Variants in INTS4 observed in about 807,000 individuals in gnomAD.
INTS4 encodes integrator complex subunit 4.
In INTS4, 70 loss-of-function variants were observed where a neutral mutation model predicts 119.5. That is an observed-to-expected ratio of 0.59 (90% CI 0.48 to 0.71). The LOEUF (loss-of-function observed/expected upper bound fraction) is 0.71. INTS4 is among the 30% of genes least tolerant of loss of function. The pLI is 0.00. For missense variants in INTS4, 867 were observed against 1,173.2 expected, an observed-to-expected ratio of 0.74 and a Z score of 3.81; for synonymous variants, 316 against 419.6, an observed-to-expected ratio of 0.75 and a Z score of 3.02.
At chr11:77,919,505 C>T (rs1203651624) in intron 14 of INTS4, among the ~76,000 whole-genome samples, 3 of 152,092 alleles carry the variant, frequency 2.0e-5, no homozygotes, top group African/African-American at 4.8e-5. Flanking sequence ...AGGCTGGTCT[C>T]GAACTCCTGA....
intron 17 of INTS4, among the ~76,000 whole-genome samples, chr11:77,901,911 C>T (rs932481563): frequency 7.2e-5 from 11 of 151,796 alleles, no homozygotes; most frequent in Non-Finnish European, 2.9e-5. Flanking sequence ...AACCCAATCC[C>T]CACAAAGTCC....
At chr11:77,953,147 C>T (rs1954235643) in intron 8 of INTS4, among the ~76,000 whole-genome samples, 1 of 152,176 alleles carries the variant, frequency 6.6e-6, no homozygotes, top group Admixed American at 6.5e-5. Context: ...CCCATAAATA[C>T]TGGTCACAGG....
chr11:77,977,614 A>G (rs922183040), intron 4 of INTS4, among the ~76,000 whole-genome samples: 3 of 151,550 alleles, frequency 2.0e-5, no homozygotes, highest in Non-Finnish European at 4.4e-5. Flanking sequence ...TTATGAATGC[A>G]TTTTTCTTTA....
At chr11:77,955,557 G>A (rs528714745) in intron 8 of INTS4, among the ~76,000 whole-genome samples, 28 of 150,890 alleles carry the variant, frequency 1.9e-4, no homozygotes, top group African/African-American at 4.9e-4. Flanking sequence ...GTGCAGCAGC[G>A]TGATCTTGGC....
At chr11:77,973,717 G>GT (rs1194309095) in intron 4 of INTS4, among the ~76,000 whole-genome samples, 1 of 152,052 alleles carries the variant, frequency 6.6e-6, no homozygotes, top group Non-Finnish European at 1.5e-5. Context: ...TTATGATCTT[G>GT]TTTTTTATCC....
At chr11:77,885,694 C>T (rs761207881) in intron 21 of INTS4, among the ~76,000 whole-genome samples, 4 of 151,726 alleles carry the variant, frequency 2.6e-5, no homozygotes, top group Admixed American at 6.6e-5. Context: ...TGGCGTGTGC[C>T]TGTAGTCCCA....
rs575497194 is a variant in INTS4, at chr11:77,957,459, A to G, written c.797+1287T>C. 2.0e-5 allele frequency among the ~76,000 whole-genome samples: 3 copies of G among 151,680 alleles called. No homozygotes were observed. In the East Asian group the frequency reaches 6.0e-4, roughly 30 times the overall value. On this transcript the variant is annotated intron_variant, in intron 7 of 22. Transcript: ENST00000534064. ...CAGCTACTTGGGAGGCTCAGGCATG[A>G]GAATTGCTTCAACCCAGGAGTTGGA... is the stretch of plus-strand genomic sequence containing the variant.
At chr11:77,880,139 T>G (rs1951735698) in intron 22 of INTS4, among the ~76,000 whole-genome samples, 1 of 152,176 alleles carries the variant, frequency 6.6e-6, no homozygotes, top group African/African-American at 2.4e-5. Context: ...CTCCTTAATT[T>G]GGTGCAACCA....
At chr11:77,899,527 G>T (rs543722316) in intron 18 of INTS4, among the ~76,000 whole-genome samples, 2 of 151,768 alleles carry the variant, frequency 1.3e-5, no homozygotes, top group African/African-American at 4.9e-5. Context: ...AAAATTAGCC[G>T]GGCATGGTGT....
intron 15 of INTS4, among the ~76,000 whole-genome samples, chr11:77,909,439 A>G (rs2136458409): frequency 6.6e-6 from 1 of 152,352 alleles, no homozygotes; most frequent in South Asian, 2.1e-4. Context: ...TCATTTCCTC[A>G]TAGGTTGCAC....
Position 77,937,817 on chromosome 11 carries a change from G to GTATTTATTTATT in INTS4, c.1165+822_1165+833dup, listed in dbSNP as rs4016025. Among the ~76,000 whole-genome samples the GTATTTATTTATT allele has an allele frequency of 5.3e-3, 771 of 146,616 alleles. 5 individuals are homozygous for GTATTTATTTATT. The highest frequency in any genetic ancestry group is 0.011 in the African/African-American group (436 of 39,746). ...TGTATTCCCACAAAAATATCTTTCT[G>GTATTTATTTATT]TATTTATTTATTTATTTATTTATTT... On this transcript the variant is annotated intron_variant, in intron 10 of 22. Coordinates refer to ENST00000534064, the MANE Select transcript of INTS4 (RefSeq NM_033547.4).
Position 77,933,636 on chromosome 11 carries a change from C to T in INTS4, c.1165+5015G>A, listed in dbSNP as rs549419583. On this transcript the variant is annotated intron_variant, in intron 10 of 22. Coordinates refer to ENST00000534064, the MANE Select transcript of INTS4 (RefSeq NM_033547.4). ...AAGTGCCGAGATTGCAGCCTCTGCC[C>T]GGCCGCCACCCCGTCTGGGAAGTGA... is the stretch of plus-strand genomic sequence containing the variant. Among the ~76,000 whole-genome samples, 27 of 152,302 alleles carry T rather than the reference C, an allele frequency of 1.8e-4. 1 individual carries two copies. The highest frequency in any genetic ancestry group is 1.4e-3 in the Admixed American group (21 of 15,300).
At chr11:77,889,494 G>T (rs111845609) in intron 21 of INTS4, among the ~76,000 whole-genome samples, 1,536 of 152,114 alleles carry the variant, frequency 0.01, 31 homozygotes, top group African/African-American at 0.033. Flanking sequence ...CATGTATACA[G>T]ATGTAACTAA....
intron 16 of INTS4, among the ~76,000 whole-genome samples, chr11:77,904,333 T>G (rs1304283209): frequency 1.3e-5 from 2 of 152,246 alleles, no homozygotes; most frequent in Non-Finnish European, 2.9e-5. Flanking sequence ...TTTTAAATAT[T>G]CTCGTAGCCA....
rs10687244 is a variant in INTS4, at chr11:77,883,075, A to AAATAATAATAATAAT, written c.2713+742_2713+756dup. Among the ~76,000 whole-genome samples the AAATAATAATAATAAT allele has an allele frequency of 2.8e-3, 414 of 148,320 alleles. 2 individuals are homozygous for AAATAATAATAATAAT. The highest frequency in any genetic ancestry group is 9.8e-3 in the African/African-American group (392 of 40,188). On this transcript the variant is annotated intron_variant, in intron 22 of 22. Transcript: ENST00000534064. ...TGGGCAAGAGCAAGACTCCGTCTCA[A>AAATAATAATAATAAT]AATAATAATAATAATAATAATAATA... is the stretch of plus-strand genomic sequence containing the variant.
At chr11:77,987,847 T>C (rs748445410) in intron 2 of INTS4, 2 of 295,520 alleles carry the variant, frequency 6.8e-6, no homozygotes, top group Non-Finnish European at 6.8e-6. Flanking sequence ...CACTCTAGAT[T>C]GGGCAACAGA....
At chr11:77,945,646 C>T (rs1308109707) in intron 8 of INTS4, among the ~76,000 whole-genome samples, 1 of 152,188 alleles carries the variant, frequency 6.6e-6, no homozygotes, top group African/African-American at 2.4e-5. Context: ...TTACCCAACA[C>T]CCCTGTTCCA....
rs550205455 is a variant in INTS4 at position 77,940,756 on chromosome 11, T to C, written c.990+424A>G. On this transcript the variant is annotated intron_variant, in intron 9 of 22. Coordinates refer to ENST00000534064, the MANE Select transcript of INTS4 (RefSeq NM_033547.4). ...GGGTTCAAGTGATTCCCTGCCTCAG[T>C]CACCCAAGTAGCTAGGACTACAGGC... Among the ~76,000 whole-genome samples the C allele has an allele frequency of 1.4e-4, 21 of 152,168 alleles. No homozygotes were observed. In the South Asian group the frequency reaches 4.4e-3, roughly 32 times the overall value.
At position 77,941,149 on chromosome 11, in the gene INTS4, C is replaced by A. The variant is rs376184218; in HGVS notation, c.990+31G>T. On this transcript the variant is annotated intron_variant, in intron 9 of 22. Transcript: ENST00000534064. Reference sequence around the variant, plus strand: ...TGCCCCACTACATTGGTTACAGAAACCCACTTTAAACAACAAAGAATAAAA... The same window carrying A: ...TGCCCCACTACATTGGTTACAGAAAACCACTTTAAACAACAAAGAATAAAA... 602 of 1,606,584 alleles carry A rather than the reference C, an allele frequency of 3.7e-4. 2 individuals are homozygous for A. Among genetic ancestry groups the A allele is most frequent in the Middle Eastern group, 5.6e-4 (3 of 5,318 alleles).
Sources: gnomAD v4.1 joint callset for allele counts (sites outside exome capture counted in the v4.1 genomes callset) on GRCh38, gnomAD v4.1.1 for gene constraint, MANE v1.5 for transcripts, NCBI Gene and HGNC (gene_info 2026-07-23, HGNC 2026-07-21) for gene names.